Variants in KLHL7 observed in about 807,000 individuals in gnomAD.
The protein encoded by KLHL7 is kelch-like protein 7.
A neutral mutation model predicts 67.4 loss-of-function variants in KLHL7; 44 were observed. The ratio of observed to expected loss-of-function variants is 0.65; its 90% CI spans 0.51 to 0.84. The LOEUF (loss-of-function observed/expected upper bound fraction) is 0.84, where lower values mean the gene tolerates loss of function less well. Among genes scored for constraint, KLHL7 ranks in the 40% least tolerant of loss-of-function variants. The pLI is 0.00. For synonymous variants in KLHL7, 252 were observed against 243.3 expected (o/e 1.04, Z -0.33); for missense variants, 362 against 718.1 (o/e 0.50, Z 5.67).
intron 4 of KLHL7, chr7:23,126,008 A>C: frequency 1.4e-6 from 1 of 718,208 alleles, no homozygotes; most frequent in Non-Finnish European, 2.5e-6. Flanking sequence ...AGACAGTAAA[A>C]GATTAACAAC....
intron 4 of KLHL7, among the ~76,000 whole-genome samples, chr7:23,138,531 G>T (rs1784066613): frequency 7.1e-6 from 1 of 140,424 alleles, no homozygotes; most frequent in African/African-American, 2.6e-5. Context: ...AATCAAAAAA[G>T]TAAAGATGTA....
At chr7:23,126,034 G>C in intron 4 of KLHL7, 1 of 695,784 alleles carries the variant, frequency 1.4e-6, no homozygotes, top group Non-Finnish European at 2.6e-6. Flanking sequence ...TAATAAAATA[G>C]AACAACTTTA....
intron 7 of KLHL7, among the ~76,000 whole-genome samples, chr7:23,160,228 G>T (rs1301926926): frequency 1.3e-5 from 2 of 152,204 alleles, no homozygotes; most frequent in Non-Finnish European, 2.9e-5. Flanking sequence ...TTCACTTAAA[G>T]GCAATCTGTT....
intron 9 of KLHL7, among the ~76,000 whole-genome samples, chr7:23,171,492 G>T (rs1024690380): frequency 6.6e-6 from 1 of 152,080 alleles, no homozygotes; most frequent in African/African-American, 2.4e-5. Flanking sequence ...TCCCACTTCC[G>T]AGCTGTATGC....
rs181298267 is a variant in KLHL7, at chr7:23,147,835, T to C, written c.793+3810T>C. Among the ~76,000 whole-genome samples, 390 of 152,300 alleles carry C rather than the reference T, an allele frequency of 2.6e-3. 1 individual carries two copies. Among genetic ancestry groups the C allele is most frequent in the African/African-American group, 8.8e-3 (367 of 41,558 alleles). ...ATGAGGGTAAGACTGTCCATATAAA[T>C]TCTCAAAAGAGGGAGACTTTACCTC... is the stretch of plus-strand genomic sequence containing the variant. On this transcript the variant is annotated intron_variant, in intron 6 of 10. Coordinates refer to ENST00000339077, the MANE Select transcript of KLHL7 (RefSeq NM_001031710.3).
At chr7:23,143,724 T>A (rs1485585234) in intron 5 of KLHL7, 127 bp from the exon 6 acceptor site, 1 of 967,854 alleles carries the variant, frequency 1.0e-6, no homozygotes, top group South Asian at 1.3e-5. Flanking sequence ...TGTCCAGGGA[T>A]GAAAAATACT....
At chr7:23,152,035 T>C (rs1378566844) in intron 6 of KLHL7, 32 bp from the exon 7 acceptor site, 2 of 1,612,408 alleles carry the variant, frequency 1.2e-6, no homozygotes, top group East Asian at 2.2e-5. Context: ...GTGCCTGAAG[T>C]TCTTGAAGCG....
intron 6 of KLHL7, 82 bp downstream of exon 6, chr7:23,144,107 C>A (rs1013106928): frequency 9.4e-6 from 11 of 1,166,110 alleles, no homozygotes; most frequent in Non-Finnish European, 1.1e-5. Context: ...ATGGATTAGA[C>A]TCAGTAGCCA....
intron 7 of KLHL7, among the ~76,000 whole-genome samples, chr7:23,161,669 GC>G (rs1236895380): frequency 6.6e-6 from 1 of 152,198 alleles, no homozygotes; most frequent in East Asian, 1.9e-4. Flanking sequence ...AGAACCAGGA[GC>G]CATAATGATA....
rs781538844 is a variant in KLHL7 at position 23,106,054 on chromosome 7, A to G, written c.28A>G (p.Ser10Gly). 5.6e-6 allele frequency: 9 copies of G among 1,610,164 alleles called. No individual in the cohort carries two copies. The highest frequency in any genetic ancestry group is 3.4e-5 in the Admixed American group (2 of 59,388). Residue 10 changes from serine (S) to glycine (G), a missense_variant, in exon 1 of 11, where the codon AGC (serine) becomes GGC (glycine). Physicochemically the swap from Ser to Gly is moderately conservative, Grantham distance 56. Transcript: ENST00000339077. ...GGCAGCCTCTGGGGTGGAGAAGAGC[A>G]GCAAGAAGAAGACCGAGAAGAAACT... MAASGVEKS[S>G]KKKTEKKLAA...
At chr7:23,163,544 A>G (rs1239490667) in intron 7 of KLHL7, among the ~76,000 whole-genome samples, 1 of 152,204 alleles carries the variant, frequency 6.6e-6, no homozygotes, top group Non-Finnish European at 1.5e-5. Flanking sequence ...GGCAAGATAC[A>G]ATGGAGTGTT....
Position 23,175,927 on chromosome 7 carries a change from C to G in KLHL7, c.*1629C>G, listed in dbSNP as rs1163563539. Reference sequence around the variant, plus strand: ...AGTGAGCTGAGATCAAGCCACTGCACCCCAGCCTGGGCAACAGAGCAAGAC... The same window carrying G: ...AGTGAGCTGAGATCAAGCCACTGCAGCCCAGCCTGGGCAACAGAGCAAGAC... On this transcript the variant is annotated 3_prime_UTR_variant, in exon 11 of 11. Transcript: ENST00000339077. The G allele has an allele frequency of 1.4e-5, 2 of 145,730 alleles. No homozygotes were observed. The highest frequency in any genetic ancestry group is 3.0e-5 in the Non-Finnish European group (2 of 67,434). The allele number at this position is 145,730 out of a possible 1,614,324, so 9.0% of individuals were successfully genotyped here.
At chr7:23,107,424 T>G (rs903053102) in intron 1 of KLHL7, among the ~76,000 whole-genome samples, 6 of 152,240 alleles carry the variant, frequency 3.9e-5, no homozygotes, top group Non-Finnish European at 7.3e-5. Flanking sequence ...TTAAACTCGT[T>G]GAAGACTCAT....
intron 4 of KLHL7, among the ~76,000 whole-genome samples, chr7:23,125,460 G>A (rs1005724789): frequency 5.3e-5 from 8 of 152,152 alleles, no homozygotes; most frequent in African/African-American, 1.9e-4. Context: ...TGTGGTGATA[G>A]TAACATGATT....
chr7:23,145,206 G>C (rs1352936038), intron 6 of KLHL7, among the ~76,000 whole-genome samples: 1 of 150,526 alleles, frequency 6.6e-6, no homozygotes, highest in East Asian at 1.9e-4. Flanking sequence ...GAGAAGTCTA[G>C]TGCCAATCTG....
In KLHL7 at chr7:23,105,799, G is replaced by T. The variant is rs959177470; in HGVS notation, c.-228G>T. ...GGGCAGGGCTCGGGTTCTGCCCGGG[G>T]ACGCAGCCCAGTTGGTAGCGTCGCT... On this transcript the variant is annotated 5_prime_UTR_variant, in exon 1 of 11. Coordinates refer to ENST00000339077, the MANE Select transcript of KLHL7 (RefSeq NM_001031710.3). 3.6e-5 allele frequency: 21 copies of T among 588,340 alleles called. No homozygotes were observed. Among genetic ancestry groups the T allele is most frequent in the Admixed American group, 1.2e-4 (4 of 34,336 alleles). 36.4% of individuals were successfully genotyped at this position (588,340 alleles called of 1,614,324 possible). A position where few individuals can be genotyped will look rare whatever the true frequency, so the allele number is the denominator to read the frequency against.
chr7:23,141,953 C>T (rs1199922271), intron 5 of KLHL7, among the ~76,000 whole-genome samples: 1 of 151,886 alleles, frequency 6.6e-6, no homozygotes, highest in Non-Finnish European at 1.5e-5. Flanking sequence ...GAGTCTCACT[C>T]TGTTGCCCAG....
Position 23,175,537 on chromosome 7 carries a change from C to T in KLHL7, c.*1239C>T, listed in dbSNP as rs542421287. On this transcript the variant is annotated 3_prime_UTR_variant, in exon 11 of 11. Transcript: ENST00000339077. Reference sequence around the variant, plus strand: ...TATAGAGGTTATAATAGTCTTAAACCCTAAAAATGTTTAAATCAAAAAGGA... The same window carrying T: ...TATAGAGGTTATAATAGTCTTAAACTCTAAAAATGTTTAAATCAAAAAGGA... 6.3e-6 allele frequency: 2 copies of T among 315,034 alleles called. No individual in the cohort carries two copies. The highest frequency in any genetic ancestry group is 8.5e-5 in the East Asian group (1 of 11,724). 19.5% of individuals were successfully genotyped at this position (315,034 alleles called of 1,614,324 possible).
intron 4 of KLHL7, among the ~76,000 whole-genome samples, chr7:23,140,426 G>A (rs1189321512): frequency 2.0e-5 from 3 of 152,174 alleles, no homozygotes; most frequent in African/African-American, 4.8e-5. Flanking sequence ...GCGTGGTGGC[G>A]AGCACCTGTA....
Sources: allele counts gnomAD v4.1 joint callset (sites outside exome capture counted in the v4.1 genomes callset), GRCh38; gene constraint gnomAD v4.1.1; transcripts MANE v1.5; gene names NCBI Gene and HGNC (gene_info 2026-07-23, HGNC 2026-07-21).